The following GRM8 variants were observed in gnomAD, a reference collection of about 807,000 sequenced individuals.
The protein encoded by GRM8 is glutamate metabotropic receptor 8, also known as metabotropic glutamate receptor 8.
A neutral mutation model predicts 87.2 loss-of-function variants in GRM8; 47 were observed. The ratio of observed to expected loss-of-function variants is 0.54; its 90% CI spans 0.43 to 0.69. The LOEUF is 0.69. Among genes scored for constraint, GRM8 ranks in the 30% least tolerant of loss-of-function variants. The pLI is 0.00. For missense variants in GRM8, 1,019 were observed against 1,139.2 expected (o/e 0.89, Z 1.52); for synonymous variants, 396 against 404.5 (o/e 0.98, Z 0.25).
intron 3 of GRM8, among the ~76,000 whole-genome samples, chr7:126,937,255 G>A (rs1482903108): frequency 7.2e-6 from 1 of 139,172 alleles, no homozygotes; most frequent in Non-Finnish European, 1.6e-5. Context: ...TTAAACTGAG[G>A]GAGTTAGGAG....
intron 7 of GRM8, among the ~76,000 whole-genome samples, chr7:126,755,644 T>C (rs1194148510): frequency 2.0e-5 from 3 of 151,926 alleles, no homozygotes; most frequent in Non-Finnish European, 4.4e-5. Flanking sequence ...CCTGGTAAAA[T>C]GAAACAATTA....
chr7:126,521,456 T>C (rs1314599753), intron 9 of GRM8, among the ~76,000 whole-genome samples: 1 of 152,110 alleles, frequency 6.6e-6, no homozygotes, highest in East Asian at 1.9e-4. Flanking sequence ...GTGTGGATGC[T>C]ATTTGATTGG....
chr7:127,018,929 T>C (rs986786262), intron 3 of GRM8, among the ~76,000 whole-genome samples: 4 of 151,968 alleles, frequency 2.6e-5, no homozygotes, highest in Admixed American at 1.3e-4. Flanking sequence ...CTGTACACTT[T>C]GTTACGTGAG....
intron 6 of GRM8, among the ~76,000 whole-genome samples, chr7:126,783,534 C>T (rs978441701): frequency 6.6e-6 from 1 of 152,144 alleles, no homozygotes; most frequent in Non-Finnish European, 1.5e-5. Context: ...TTTTTCTAAG[C>T]TTCATATAGG....
At chr7:127,214,516 A>G (rs1181746050) in intron 2 of GRM8, among the ~76,000 whole-genome samples, 1 of 152,218 alleles carries the variant, frequency 6.6e-6, no homozygotes. Context: ...GGTTTAATTG[A>G]CTCACAGTTC....
At chr7:127,160,351 T>C (rs1793020223) in intron 2 of GRM8, among the ~76,000 whole-genome samples, 1 of 151,928 alleles carries the variant, frequency 6.6e-6, no homozygotes, top group African/African-American at 2.4e-5. Flanking sequence ...CCAAATTTAA[T>C]AAGATAAACA....
intron 6 of GRM8, among the ~76,000 whole-genome samples, chr7:126,792,892 C>T (rs532786666): frequency 4.6e-5 from 7 of 152,246 alleles, no homozygotes; most frequent in South Asian, 4.1e-4. Context: ...CACTGCCCCT[C>T]GGCTACAAAA....
chr7:126,511,196 G>A (rs1811321163), intron 9 of GRM8: 1 of 152,114 alleles, frequency 6.6e-6, no homozygotes, highest in Admixed American at 6.6e-5. Flanking sequence ...TCACTAAGAC[G>A]AAGCTCAGTG....
intron 6 of GRM8, among the ~76,000 whole-genome samples, chr7:126,900,828 G>C (rs917988357): frequency 1.3e-5 from 2 of 152,016 alleles, no homozygotes; most frequent in African/African-American, 4.8e-5. Context: ...GCTCTTCTTA[G>C]ACCATGATGG....
Position 126,615,606 on chromosome 7 carries a change from C to G in GRM8, c.1358-6108G>C, listed in dbSNP as rs144146779. 4.2e-3 allele frequency among the ~76,000 whole-genome samples: 632 copies of G among 152,228 alleles called. 7 individuals carry two copies. The highest frequency in any genetic ancestry group is 0.014 in the African/African-American group (601 of 41,538). ...AATTGGATAAAGAGTCAAGACTGAT[C>G]AGAGTGCTGTATTCAGGAGACCCAT... is the stretch of plus-strand genomic sequence containing the variant. On this transcript the variant is annotated intron_variant, in intron 7 of 10. Transcript: ENST00000339582.
intron 6 of GRM8, among the ~76,000 whole-genome samples, chr7:126,874,021 C>T (rs959852223): frequency 3.3e-5 from 5 of 152,040 alleles, no homozygotes; most frequent in African/African-American, 1.2e-4. Flanking sequence ...AATTTGCCTG[C>T]ATACATTTTT....
At chr7:126,982,115 G>A (rs1811601452) in intron 3 of GRM8, among the ~76,000 whole-genome samples, 2 of 152,334 alleles carry the variant, frequency 1.3e-5, no homozygotes, top group Non-Finnish European at 1.5e-5. Flanking sequence ...CAAAGCTGAA[G>A]AATTTGCAGT....
chr7:126,532,764 GATAT>G (rs521), intron 9 of GRM8, among the ~76,000 whole-genome samples, 184 bp downstream of exon 9: 140 of 110,816 alleles, frequency 1.3e-3, no homozygotes, highest in Admixed American at 1.6e-3. Flanking sequence ...GACGGATGGA[GATAT>G]ATATATATAT....
At chr7:127,047,132 A>T (rs1271103621) in intron 3 of GRM8, among the ~76,000 whole-genome samples, 1 of 152,184 alleles carries the variant, frequency 6.6e-6, no homozygotes, top group African/African-American at 2.4e-5. Flanking sequence ...TGCTGTTAAA[A>T]ATTTTTTTTA....
intron 3 of GRM8, among the ~76,000 whole-genome samples, chr7:126,949,682 G>C (rs1346578585): frequency 6.6e-6 from 1 of 152,082 alleles, no homozygotes; most frequent in Non-Finnish European, 1.5e-5. Context: ...AATAAAGCTA[G>C]ATCTTTTACA....
chr7:126,701,135 G>A (rs1809875990), intron 7 of GRM8, among the ~76,000 whole-genome samples: 1 of 152,178 alleles, frequency 6.6e-6, no homozygotes, highest in South Asian at 2.1e-4. Flanking sequence ...ACACTTCAAA[G>A]TATAATAAGA....
At position 126,527,891 on chromosome 7, in the gene GRM8, C is replaced by T. The variant is rs529473821; in HGVS notation, c.2430+5061G>A. On this transcript the variant is annotated intron_variant, in intron 9 of 10. Coordinates refer to ENST00000339582, the MANE Select transcript of GRM8 (RefSeq NM_000845.3). ...GCTGTAATCTGTAAGATCTACTCTT[C>T]GGGCAAGCCTCTATGTTTAAGAAAA... Among the ~76,000 whole-genome samples, 36 of 152,230 alleles carry T rather than the reference C, an allele frequency of 2.4e-4. No individual in the cohort carries two copies. In the South Asian group the frequency reaches 5.6e-3, roughly 24 times the overall value.
intron 8 of GRM8, among the ~76,000 whole-genome samples, chr7:126,559,532 C>A (rs1337918220): frequency 6.6e-6 from 1 of 152,186 alleles, no homozygotes. Context: ...CTTTAACAAA[C>A]AGATTCAAAC....
chr7:126,708,243 A>G (rs989874347), intron 7 of GRM8, among the ~76,000 whole-genome samples: 3 of 152,068 alleles, frequency 2.0e-5, no homozygotes, highest in Non-Finnish European at 4.4e-5. Context: ...TGCTGTCAGA[A>G]ATGTGGAAAA....
Sources: allele counts gnomAD v4.1 joint callset (sites outside exome capture counted in the v4.1 genomes callset), GRCh38; gene constraint gnomAD v4.1.1; transcripts MANE v1.5; gene names NCBI Gene and HGNC (gene_info 2026-07-23, HGNC 2026-07-21).